Variants in DSCAM observed in about 807,000 individuals in gnomAD.
The protein encoded by DSCAM is cell adhesion molecule DSCAM.
In DSCAM, 47 loss-of-function variants were observed where a neutral mutation model predicts 217.7. The observed-to-expected ratio is 0.22, with a 90% CI of 0.17 to 0.28. The LOEUF (loss-of-function observed/expected upper bound fraction) is 0.28, where lower values mean the gene tolerates loss of function less well. Among genes scored for constraint, DSCAM ranks in the 10% least tolerant of loss-of-function variants. DSCAM has a pLI of 1.00. For synonymous variants in DSCAM, 1,056 were observed against 1,015.3 expected (o/e 1.04, Z -0.76); for missense variants, 2,080 against 2,618.3 (o/e 0.79, Z 4.49).
At chr21:40,040,487 G>T (rs1601258341) in intron 32 of DSCAM, among the ~76,000 whole-genome samples, 1 of 152,198 alleles carries the variant, frequency 6.6e-6, no homozygotes, top group Admixed American at 6.5e-5. Flanking sequence ...GAAAATGACG[G>T]CATGCTATCT....
Position 40,338,306 on chromosome 21 carries a change from A to G in DSCAM, c.1578T>C (p.Arg526=). The part of the protein sequence containing the change: ...IAGRDTYIHC[R]VIGYPYYSIK... ...TGGAGTAATACGGATAGCCAATCAC[A>G]CGACAGTGAATGTATGTGTCCCGTC... The change falls in exon 8 of 33, where the codon CGT becomes CGC. Residue 526 remains arginine (R), a synonymous_variant. Transcript: ENST00000400454. The G allele has an allele frequency of 2.5e-6, 4 of 1,614,250 alleles. No homozygotes were observed. The highest frequency in any genetic ancestry group is 3.4e-6 in the Non-Finnish European group (4 of 1,180,038).
intron 11 of DSCAM, among the ~76,000 whole-genome samples, chr21:40,217,765 T>A (rs2091256371): frequency 6.6e-6 from 1 of 152,224 alleles, no homozygotes; most frequent in Non-Finnish European, 1.5e-5. Context: ...TAATGATCAG[T>A]GATATCGAGA....
intron 3 of DSCAM, among the ~76,000 whole-genome samples, chr21:40,562,893 C>T (rs2076731447): frequency 6.6e-6 from 1 of 152,192 alleles, no homozygotes; most frequent in African/African-American, 2.4e-5. Context: ...CGTCTGTCGC[C>T]TGCACGACAT....
At chr21:40,107,654 C>G (rs1411174385) in intron 20 of DSCAM, among the ~76,000 whole-genome samples, 2 of 152,114 alleles carry the variant, frequency 1.3e-5, no homozygotes, top group Non-Finnish European at 2.9e-5. Context: ...TTGATGGTCT[C>G]TAAGAACTTG....
At chr21:40,419,455 C>G (rs2075402730) in intron 3 of DSCAM, among the ~76,000 whole-genome samples, 1 of 151,978 alleles carries the variant, frequency 6.6e-6, no homozygotes, top group South Asian at 2.1e-4. Context: ...GCTGGTAAAA[C>G]AGGTAATTTA....
At chr21:40,787,432 C>T (rs1435267503) in intron 1 of DSCAM, among the ~76,000 whole-genome samples, 2 of 152,172 alleles carry the variant, frequency 1.3e-5, no homozygotes, top group African/African-American at 2.4e-5. Flanking sequence ...CTACCACTTC[C>T]TCATATCAGG....
At chr21:40,234,817 A>G (rs1451488173) in intron 11 of DSCAM, among the ~76,000 whole-genome samples, 1 of 152,050 alleles carries the variant, frequency 6.6e-6, no homozygotes, top group East Asian at 1.9e-4. Context: ...TGTTTTTCCT[A>G]AAAATATAAT....
At chr21:40,072,491 C>T (rs531115696) in intron 27 of DSCAM, among the ~76,000 whole-genome samples, 113 of 152,040 alleles carry the variant, frequency 7.4e-4, no homozygotes, top group African/African-American at 2.2e-3. Context: ...GGACTACAGG[C>T]GCCCGCCACC....
intron 3 of DSCAM, among the ~76,000 whole-genome samples, chr21:40,405,647 G>T (rs1049969115): frequency 1.3e-5 from 2 of 152,028 alleles, no homozygotes; most frequent in African/African-American, 4.8e-5. Context: ...ACAATAACAA[G>T]AAAGCAAATA....
At chr21:40,154,068 G>A (rs1043769388) in intron 16 of DSCAM, among the ~76,000 whole-genome samples, 1 of 152,076 alleles carries the variant, frequency 6.6e-6, no homozygotes, top group South Asian at 2.1e-4. Context: ...TGGCTATCTT[G>A]GTCCATGGAC....
intron 6 of DSCAM, 22 bp from the exon 7 acceptor site, chr21:40,339,437 A>C (rs562951605): frequency 1.3e-6 from 2 of 1,573,210 alleles, no homozygotes; most frequent in South Asian, 2.3e-5. Context: ...CAAATTATGG[A>C]AGAAAGTGGC....
chr21:40,527,794 A>C (rs1042146775), intron 3 of DSCAM, among the ~76,000 whole-genome samples: 1 of 152,218 alleles, frequency 6.6e-6, no homozygotes, highest in African/African-American at 2.4e-5. Flanking sequence ...GGTGCAAAGG[A>C]AACATGAAGC....
chr21:40,634,004 G>A (rs2089724434), intron 3 of DSCAM, among the ~76,000 whole-genome samples: 1 of 152,110 alleles, frequency 6.6e-6, no homozygotes, highest in Admixed American at 6.5e-5. Context: ...TCTCGACCCA[G>A]GAACATAGCC....
intron 3 of DSCAM, among the ~76,000 whole-genome samples, chr21:40,531,142 T>C (rs2146109018): frequency 6.6e-6 from 1 of 152,322 alleles, no homozygotes; most frequent in Non-Finnish European, 1.5e-5. Context: ...TGGCGTCTCG[T>C]CAACACCAGC....
chr21:40,731,412 C>T (rs1274437985), intron 1 of DSCAM, among the ~76,000 whole-genome samples: 2 of 152,180 alleles, frequency 1.3e-5, no homozygotes, highest in African/African-American at 2.4e-5. Context: ...AAAGTTGAGG[C>T]TATAGCTCAT....
intron 3 of DSCAM, among the ~76,000 whole-genome samples, chr21:40,471,089 C>T (rs998802428): frequency 7.9e-5 from 12 of 152,090 alleles, no homozygotes; most frequent in African/African-American, 2.9e-4. Context: ...CGGATAAAAA[C>T]ATAAGTGGTA....
At chr21:40,250,217 A>T (rs2073283607) in intron 11 of DSCAM, among the ~76,000 whole-genome samples, 1 of 152,152 alleles carries the variant, frequency 6.6e-6, no homozygotes, top group Non-Finnish European at 1.5e-5. Context: ...TTCATGCAGC[A>T]TCTGGGGACC....
intron 3 of DSCAM, among the ~76,000 whole-genome samples, chr21:40,568,905 T>G (rs1328833448): frequency 6.6e-6 from 1 of 152,160 alleles, no homozygotes; most frequent in Non-Finnish European, 1.5e-5. Context: ...CCTCTTCCCT[T>G]GGCAGCAGGG....
At chr21:40,170,400 T>C (rs192800949) in intron 15 of DSCAM, among the ~76,000 whole-genome samples, 10 of 152,382 alleles carry the variant, frequency 6.6e-5, no homozygotes, top group Admixed American at 2.6e-4. Flanking sequence ...GCTGAAATGC[T>C]GAGCATGCAT....
Sources: gnomAD v4.1 joint callset for allele counts (sites outside exome capture counted in the v4.1 genomes callset) on GRCh38, gnomAD v4.1.1 for gene constraint, MANE v1.5 for transcripts, NCBI Gene and HGNC (gene_info 2026-07-23, HGNC 2026-07-21) for gene names.